GULP1: variants seen among roughly 807,000 people sequenced by gnomAD.
GULP1 encodes the protein PTB domain-containing engulfment adapter protein 1.
GULP1 carries 19 observed loss-of-function variants against 40.9 expected under a neutral mutation model. The ratio of observed to expected loss-of-function variants is 0.46; its 90% CI spans 0.32 to 0.68. The LOEUF is 0.68. GULP1 is among the 30% of genes least tolerant of loss of function. The pLI is 0.03. For synonymous variants in GULP1, 119 were observed against 117.6 expected (o/e 1.01, Z -0.08); for missense variants, 312 against 362.2 (o/e 0.86, Z 1.12).
At chr2:188,298,139 G>A (rs2035380445) in intron 1 of GULP1, among the ~76,000 whole-genome samples, 1 of 151,948 alleles carries the variant, frequency 6.6e-6, no homozygotes, top group African/African-American at 2.4e-5. Context: ...CTGCTTTGAG[G>A]AACTGTGTAG....
intron 1 of GULP1, among the ~76,000 whole-genome samples, chr2:188,308,899 A>T (rs1021102077): frequency 6.6e-6 from 1 of 152,092 alleles, no homozygotes; most frequent in African/African-American, 2.4e-5. Context: ...GTACTTGTAC[A>T]TTTTCATGGA....
At position 188,562,797 on chromosome 2, in the gene GULP1, G is replaced by A. The variant is rs577157639; in HGVS notation, c.400-6442G>A. Among the ~76,000 whole-genome samples the A allele has an allele frequency of 4.6e-5, 7 of 152,260 alleles. No homozygotes were observed. The South Asian group carries it at 1.2e-3, about 27-fold the overall frequency. On this transcript the variant is annotated intron_variant, in intron 7 of 11. Coordinates refer to ENST00000409830, the MANE Select transcript of GULP1 (RefSeq NM_016315.4). ...TACTATATGCTGGGCCATAATGGGA[G>A]ACTCAATAAGTTTCAAAACTGAAAA... is the stretch of plus-strand genomic sequence containing the variant.
intron 2 of GULP1, among the ~76,000 whole-genome samples, chr2:188,447,447 T>C (rs1034025787): frequency 6.6e-6 from 1 of 152,090 alleles, no homozygotes; most frequent in African/African-American, 2.4e-5. Flanking sequence ...TTTTATTTTG[T>C]TTTGTTTTTG....
intron 4 of GULP1, among the ~76,000 whole-genome samples, chr2:188,510,839 G>A (rs550656131): frequency 2.0e-5 from 3 of 150,890 alleles, no homozygotes; most frequent in East Asian, 1.9e-4. Flanking sequence ...AAAAACTTGC[G>A]TATGTGTTGG....
chr2:188,376,791 T>C (rs2048344987), intron 1 of GULP1, among the ~76,000 whole-genome samples: 1 of 152,206 alleles, frequency 6.6e-6, no homozygotes, highest in Non-Finnish European at 1.5e-5. Flanking sequence ...GACATATCTT[T>C]CCAGAAAATA....
chr2:188,362,992 C>T (rs999035386), intron 1 of GULP1, among the ~76,000 whole-genome samples: 1 of 151,892 alleles, frequency 6.6e-6, no homozygotes, highest in Non-Finnish European at 1.5e-5. Flanking sequence ...AAATATGAAT[C>T]GTAAAGAAAG....
chr2:188,318,956 G>A (rs374424291), intron 1 of GULP1, among the ~76,000 whole-genome samples: 1 of 152,078 alleles, frequency 6.6e-6, no homozygotes, highest in African/African-American at 2.4e-5. Flanking sequence ...CCCAAGCTAA[G>A]CCCCAGTTTG....
At chr2:188,506,001 A>G (rs189309856) in intron 4 of GULP1, among the ~76,000 whole-genome samples, 3 of 152,018 alleles carry the variant, frequency 2.0e-5, no homozygotes, top group Non-Finnish European at 4.4e-5. Context: ...ACAGATATAT[A>G]ATTATAGTAC....
At chr2:188,373,597 A>G (rs182503367) in intron 1 of GULP1, among the ~76,000 whole-genome samples, 20 of 152,072 alleles carry the variant, frequency 1.3e-4, no homozygotes, top group South Asian at 6.2e-4. Flanking sequence ...TAGATGTCGA[A>G]TCCTTAGGCA....
intron 2 of GULP1, among the ~76,000 whole-genome samples, chr2:188,397,160 C>A (rs1309035979): frequency 6.6e-6 from 1 of 152,154 alleles, no homozygotes; most frequent in African/African-American, 2.4e-5. Flanking sequence ...AGAAAATTCA[C>A]GGTGTGATTA....
rs578003996 is a variant in GULP1, at chr2:188,352,618, T to TCTCTCACACACA, written c.-171-31144_-171-31143insTCTCACACACAC. 1.0e-3 allele frequency among the ~76,000 whole-genome samples: 136 copies of TCTCTCACACACA among 134,494 alleles called. No individual in the cohort carries two copies. The South Asian group carries it at 0.012, about 12-fold the overall frequency. 88.2% of individuals were successfully genotyped at this position (134,494 alleles called of 152,430 possible). On this transcript the variant is annotated intron_variant, in intron 1 of 11. Coordinates refer to ENST00000409830, the MANE Select transcript of GULP1 (RefSeq NM_016315.4). ...TGCTCTCTTTCTCTCTCTCTCTCTC[T>TCTCTCACACACA]CACACACACACACACACACACACAC...
intron 4 of GULP1, among the ~76,000 whole-genome samples, chr2:188,520,840 T>G (rs2153224993): frequency 6.6e-6 from 1 of 152,296 alleles, no homozygotes; most frequent in Non-Finnish European, 1.5e-5. Flanking sequence ...CATGTATTTT[T>G]ACATTTTAAC....
chr2:188,428,159 T>A (rs958820719), intron 2 of GULP1, among the ~76,000 whole-genome samples: 4 of 152,244 alleles, frequency 2.6e-5, no homozygotes, highest in Non-Finnish European at 5.9e-5. Flanking sequence ...CCTTTCGGAA[T>A]GGGGGTATTT....
intron 2 of GULP1, among the ~76,000 whole-genome samples, chr2:188,451,526 T>C (rs1201135518): frequency 1.3e-5 from 2 of 152,230 alleles, no homozygotes; most frequent in African/African-American, 4.8e-5. Context: ...CTTATTCTAT[T>C]AAATGAGTTA....
chr2:188,522,070 C>T (rs1416192199), intron 4 of GULP1, among the ~76,000 whole-genome samples: 9 of 152,034 alleles, frequency 5.9e-5, no homozygotes, highest in Non-Finnish European at 8.8e-5. Context: ...AGTGAGACTC[C>T]GTCTCAAAAA....
intron 7 of GULP1, among the ~76,000 whole-genome samples, chr2:188,559,669 G>T (rs1414185862): frequency 6.6e-6 from 1 of 152,170 alleles, no homozygotes; most frequent in Non-Finnish European, 1.5e-5. Flanking sequence ...TTGGGGGACT[G>T]TTGGAAAGGC....
At position 188,350,442 on chromosome 2, in the gene GULP1, CATGTTATTATAA is replaced by C. The variant is rs373548497; in HGVS notation, c.-171-33317_-171-33306del. Among the ~76,000 whole-genome samples, 33 of 152,126 alleles carry C rather than the reference CATGTTATTATAA, an allele frequency of 2.2e-4. 1 individual carries two copies. Among genetic ancestry groups the C allele is most frequent in the African/African-American group, 7.9e-4 (33 of 41,560 alleles). On this transcript the variant is annotated intron_variant, in intron 1 of 11. Coordinates refer to ENST00000409830, the MANE Select transcript of GULP1 (RefSeq NM_016315.4). Reference sequence around the variant, plus strand: ...CATTTATTTTATGTAGTTTCTTCTTCATGTTATTATAAATGGAATGGTTTCCTTAATTTTATT... The same window carrying C: ...CATTTATTTTATGTAGTTTCTTCTTCATGGAATGGTTTCCTTAATTTTATT...
intron 6 of GULP1, among the ~76,000 whole-genome samples, chr2:188,540,298 T>A (rs1690105467): frequency 6.6e-6 from 1 of 152,078 alleles, no homozygotes; most frequent in Non-Finnish European, 1.5e-5. Flanking sequence ...ACACGGATGA[T>A]CTATATGAAT....
At chr2:188,452,924 T>G (rs1040766655) in intron 2 of GULP1, among the ~76,000 whole-genome samples, 2 of 152,254 alleles carry the variant, frequency 1.3e-5, no homozygotes, top group African/African-American at 4.8e-5. Context: ...CAAATACACT[T>G]TTTTGGAGGA....
Sources: gnomAD v4.1 joint callset for allele counts (sites outside exome capture counted in the v4.1 genomes callset) on GRCh38, gnomAD v4.1.1 for gene constraint, MANE v1.5 for transcripts, NCBI Gene and HGNC (gene_info 2026-07-23, HGNC 2026-07-21) for gene names.